Variants in SH3RF3 observed in about 807,000 individuals in gnomAD.
SH3RF3 encodes the protein SH3 domain containing ring finger 3.
Under a neutral mutation model 66.3 loss-of-function variants are expected in SH3RF3, and 29 were observed. That is an observed-to-expected ratio of 0.44 (90% confidence interval 0.33 to 0.60). The LOEUF is 0.60. Among genes scored for constraint, SH3RF3 ranks in the 20% least tolerant of loss-of-function variants. The pLI, the probability that SH3RF3 is intolerant of heterozygous loss-of-function variation, is 0.04. For missense variants in SH3RF3, 1,194 were observed against 1,190.9 expected (o/e 1.00, Z -0.04); for synonymous variants, 583 against 532.0 (o/e 1.10, Z -1.32).
chr2:109,448,310 G>A (rs1458353216), intron 7 of SH3RF3, among the ~76,000 whole-genome samples: 5 of 152,204 alleles, frequency 3.3e-5, no homozygotes, highest in Non-Finnish European at 4.4e-5. Context: ...CATCACAGCA[G>A]AGAAAATTAT....
chr2:109,393,799 G>A (rs929712166), intron 3 of SH3RF3, among the ~76,000 whole-genome samples: 38 of 151,838 alleles, frequency 2.5e-4, no homozygotes, highest in Non-Finnish European at 5.3e-4. Context: ...TTGAAGCTGG[G>A]CACCTCCCAC....
chr2:109,152,894 C>T (rs192808499), intron 1 of SH3RF3, among the ~76,000 whole-genome samples: 30 of 152,228 alleles, frequency 2.0e-4, no homozygotes, highest in East Asian at 3.9e-4. Flanking sequence ...TCCTTGTTCT[C>T]GATGGAGGCA....
At chr2:109,303,749 A>G (rs1276962465) in intron 1 of SH3RF3, among the ~76,000 whole-genome samples, 1 of 152,226 alleles carries the variant, frequency 6.6e-6, no homozygotes, top group African/African-American at 2.4e-5. Flanking sequence ...AAAGCTGGGC[A>G]TATTTTACAT....
At chr2:109,161,902 G>A (rs1406311199) in intron 1 of SH3RF3, among the ~76,000 whole-genome samples, 1 of 152,000 alleles carries the variant, frequency 6.6e-6, no homozygotes, top group African/African-American at 2.4e-5. Context: ...CCAAACTATA[G>A]CCTATCACCT....
intron 1 of SH3RF3, among the ~76,000 whole-genome samples, chr2:109,187,522 A>C (rs948969194): frequency 6.6e-6 from 1 of 152,158 alleles, no homozygotes; most frequent in Admixed American, 6.5e-5. Flanking sequence ...TTGTGTTTAG[A>C]TACAAACATT....
intron 3 of SH3RF3, among the ~76,000 whole-genome samples, chr2:109,380,233 T>G (rs1322487656): frequency 6.6e-6 from 1 of 152,216 alleles, no homozygotes; most frequent in Non-Finnish European, 1.5e-5. Flanking sequence ...TTAAGTCTTT[T>G]TGAGGTCTTC....
intron 1 of SH3RF3, among the ~76,000 whole-genome samples, chr2:109,206,113 C>G (rs1678803408): frequency 6.6e-6 from 1 of 152,086 alleles, no homozygotes; most frequent in South Asian, 2.1e-4. Context: ...GTGACCCAAG[C>G]CACCCCTCTC....
intron 4 of SH3RF3, among the ~76,000 whole-genome samples, chr2:109,403,545 A>G (rs79287302): frequency 0.13 from 19,225 of 152,272 alleles, 1,417 homozygotes; most frequent in East Asian, 0.29. Context: ...AGTTTACTCC[A>G]TAAAATGCAC....
chr2:109,437,576 G>A (rs971306861), intron 7 of SH3RF3, among the ~76,000 whole-genome samples: 4 of 152,064 alleles, frequency 2.6e-5, no homozygotes, highest in African/African-American at 9.7e-5. Context: ...CCATCTGCCG[G>A]GCCCTGCAGG....
chr2:109,435,587 G>A (rs1677377198), intron 6 of SH3RF3, among the ~76,000 whole-genome samples: 1 of 152,188 alleles, frequency 6.6e-6, no homozygotes, highest in African/African-American at 2.4e-5. Context: ...CTCTTCCCGT[G>A]AGGGCACGCA....
chr2:109,350,290 C>T (rs548214467), intron 2 of SH3RF3, among the ~76,000 whole-genome samples: 2 of 152,316 alleles, frequency 1.3e-5, no homozygotes, highest in East Asian at 1.9e-4. Context: ...AGGTCAGAGG[C>T]GCCAGCCACG....
intron 1 of SH3RF3, among the ~76,000 whole-genome samples, chr2:109,259,143 C>T (rs1026026545): frequency 2.6e-5 from 4 of 152,242 alleles, no homozygotes; most frequent in Admixed American, 1.3e-4. Flanking sequence ...ACATGCCACG[C>T]GGCTTGTGGC....
intron 1 of SH3RF3, among the ~76,000 whole-genome samples, chr2:109,155,129 A>G (rs940245060): frequency 5.9e-5 from 9 of 152,188 alleles, no homozygotes; most frequent in Admixed American, 5.2e-4. Flanking sequence ...TTTGCAAACT[A>G]CAACTTGCTA....
chr2:109,442,946 G>T (rs1013300251), intron 7 of SH3RF3, among the ~76,000 whole-genome samples: 1 of 152,120 alleles, frequency 6.6e-6, no homozygotes, highest in Non-Finnish European at 1.5e-5. Context: ...AAAAACCAAC[G>T]ATATGCTGTG....
intron 1 of SH3RF3, among the ~76,000 whole-genome samples, chr2:109,316,628 C>G (rs1179329863): frequency 2.0e-5 from 3 of 152,198 alleles, no homozygotes; most frequent in African/African-American, 7.2e-5. Flanking sequence ...TCCTGCCCCG[C>G]CCCCATGTGC....
intron 3 of SH3RF3, among the ~76,000 whole-genome samples, chr2:109,386,397 A>G (rs940612105): frequency 3.3e-5 from 5 of 152,016 alleles, no homozygotes; most frequent in African/African-American, 1.2e-4. Flanking sequence ...GGGGGCCGCT[A>G]TGACTGTTAC....
chr2:109,315,480 G>T (rs2105441478), intron 1 of SH3RF3, among the ~76,000 whole-genome samples: 1 of 152,368 alleles, frequency 6.6e-6, no homozygotes, highest in Middle Eastern at 3.4e-3. Flanking sequence ...TTACTAAGAG[G>T]CAGTAAGGAA....
rs750409705 is a variant in SH3RF3, at chr2:109,501,696, T to TCA, written c.*28_*29dup. On this transcript the variant is annotated 3_prime_UTR_variant, in exon 10 of 10. Coordinates refer to ENST00000309415, the MANE Select transcript of SH3RF3 (RefSeq NM_001099289.3). ...AGAACTGGTGCTCCCTGCACCCAGC[T>TCA]CACAGAGGGGGAGGCCGCCTGGGAA... The TCA allele has an allele frequency of 5.4e-6, 4 of 738,958 alleles. No individual in the cohort carries two copies. In the East Asian group the frequency reaches 1.0e-4, roughly 19 times the overall value. The allele number at this position is 738,958 out of a possible 1,614,324, so 45.8% of individuals were successfully genotyped here.
intron 6 of SH3RF3, among the ~76,000 whole-genome samples, chr2:109,436,004 C>T (rs920706363): frequency 7.9e-5 from 12 of 152,106 alleles, no homozygotes; most frequent in African/African-American, 1.4e-4. Flanking sequence ...TCTGTGTTGC[C>T]GGGAGCTTCC....
Sources: allele counts gnomAD v4.1 joint callset (sites outside exome capture counted in the v4.1 genomes callset), GRCh38; gene constraint gnomAD v4.1.1; transcripts MANE v1.5; gene names NCBI Gene and HGNC (gene_info 2026-07-23, HGNC 2026-07-21).